The following MAP3K7 variants were observed in gnomAD, a reference collection of about 807,000 sequenced individuals.
MAP3K7 encodes the protein TGF-beta activated kinase 1.
MAP3K7 carries 21 observed loss-of-function variants against 84.8 expected under a neutral mutation model. That is an observed-to-expected ratio of 0.25 (90% CI 0.18 to 0.36). The LOEUF (loss-of-function observed/expected upper bound fraction) is 0.36, where lower values mean the gene tolerates loss of function less well. Ranked by LOEUF, MAP3K7 falls within the 10% of genes least tolerant of loss-of-function variation. MAP3K7 has a pLI of 1.00. For missense variants in MAP3K7, 503 were observed against 747.7 expected (o/e 0.67, Z 3.82); for synonymous variants, 241 against 247.7 (o/e 0.97, Z 0.25).
intron 5 of MAP3K7, among the ~76,000 whole-genome samples, chr6:90,559,467 C>G (rs1776439081): frequency 1.3e-5 from 2 of 151,996 alleles, no homozygotes; most frequent in Admixed American, 6.6e-5. Context: ...GAAAAGGAAA[C>G]AATATGTTTT....
chr6:90,568,459 TAAAA>T, intron 3 of MAP3K7, 95 bp downstream of exon 3: 1 of 920,764 alleles, frequency 1.1e-6, no homozygotes. Context: ...TTGAAAAACT[TAAAA>T]AAAACAAAAA....
At chr6:90,577,984 A>G (rs1260505883) in intron 1 of MAP3K7, among the ~76,000 whole-genome samples, 1 of 152,214 alleles carries the variant, frequency 6.6e-6, no homozygotes, top group East Asian at 1.9e-4. Context: ...CACAGCACCC[A>G]TATGTCATCT....
intron 13 of MAP3K7, among the ~76,000 whole-genome samples, chr6:90,528,327 A>T (rs1240229172): frequency 1.3e-5 from 2 of 152,206 alleles, no homozygotes; most frequent in Admixed American, 1.3e-4. Flanking sequence ...ATATATACAA[A>T]CACTCAAATT....
chr6:90,528,378 C>T (rs996704897), intron 13 of MAP3K7, among the ~76,000 whole-genome samples: 1 of 152,066 alleles, frequency 6.6e-6, no homozygotes, highest in Non-Finnish European at 1.5e-5. Context: ...TACAAAAGTA[C>T]CTTTGAGTAG....
intron 5 of MAP3K7, among the ~76,000 whole-genome samples, chr6:90,559,009 TA>T (rs1776422801): frequency 6.6e-6 from 1 of 152,208 alleles, no homozygotes; most frequent in Non-Finnish European, 1.5e-5. Flanking sequence ...ACTCTGTTAA[TA>T]TAGTGGAAAA....
In MAP3K7 at chr6:90,516,472, A is replaced by G. The variant is rs1343119935; in HGVS notation, c.*29T>C. Reference sequence around the variant, plus strand: ...CCTTAAAAAAAAAGTCTTTCTTTGCATATTTCAAAATGTAACGGTCCCAGA... The same window carrying G: ...CCTTAAAAAAAAAGTCTTTCTTTGCGTATTTCAAAATGTAACGGTCCCAGA... On this transcript the variant is annotated 3_prime_UTR_variant, in exon 17 of 17. Transcript: ENST00000369329. 1.3e-5 allele frequency: 20 copies of G among 1,593,956 alleles called. No homozygotes were observed. The East Asian group carries it at 2.0e-4, about 16-fold the overall frequency.
chr6:90,579,378 T>A (rs1318365001), intron 1 of MAP3K7, among the ~76,000 whole-genome samples: 1 of 152,180 alleles, frequency 6.6e-6, no homozygotes, highest in African/African-American at 2.4e-5. Context: ...TATTTTAGCC[T>A]CCTTCACTGA....
chr6:90,555,602 A>G (rs1399666695), intron 6 of MAP3K7, among the ~76,000 whole-genome samples: 1 of 152,124 alleles, frequency 6.6e-6, no homozygotes, highest in Non-Finnish European at 1.5e-5. Context: ...AGGGCTCTCA[A>G]TTTTTAATTG....
At chr6:90,569,094 T>A (rs1326246353) in intron 2 of MAP3K7, among the ~76,000 whole-genome samples, 1 of 152,176 alleles carries the variant, frequency 6.6e-6, no homozygotes. Flanking sequence ...ACTTTATAGA[T>A]ATTGTATAAT....
In MAP3K7 at chr6:90,586,920, C is replaced by G; in HGVS notation, c.-37G>C. On this transcript the variant is annotated 5_prime_UTR_variant, in exon 1 of 17. Transcript: ENST00000369329. ...GCGCCCGGTGGGGCCGGGAACGGTG[C>G]CACCCGGACAATCCGGGTGAGACCC... The G allele has an allele frequency of 6.3e-7, 1 of 1,575,974 alleles. No homozygotes were observed. The highest frequency in any genetic ancestry group is 1.1e-5 in the South Asian group (1 of 88,224).
At chr6:90,573,873 C>A (rs1449922529) in intron 1 of MAP3K7, among the ~76,000 whole-genome samples, 1 of 152,244 alleles carries the variant, frequency 6.6e-6, no homozygotes, top group Non-Finnish European at 1.5e-5. Flanking sequence ...CCATTTCACT[C>A]GTCCTAGCCC....
intron 13 of MAP3K7, among the ~76,000 whole-genome samples, chr6:90,531,471 G>C (rs1313025008): frequency 1.3e-5 from 2 of 152,102 alleles, no homozygotes; most frequent in Non-Finnish European, 2.9e-5. Context: ...TGGTAATGTG[G>C]ATTTACATGG....
intron 13 of MAP3K7, among the ~76,000 whole-genome samples, chr6:90,529,947 C>T (rs918513161): frequency 1.3e-5 from 2 of 152,126 alleles, no homozygotes; most frequent in Admixed American, 6.5e-5. Context: ...GGTGCTTAAG[C>T]TTATTTACCT....
chr6:90,540,309 A>G (rs1775814790), intron 12 of MAP3K7, among the ~76,000 whole-genome samples: 1 of 151,886 alleles, frequency 6.6e-6, no homozygotes, highest in African/African-American at 2.4e-5. Flanking sequence ...AACACTGTTC[A>G]AGGTTCTCAA....
intron 1 of MAP3K7, among the ~76,000 whole-genome samples, chr6:90,580,518 A>AAATTTT (rs1777234987): frequency 2.0e-5 from 3 of 152,210 alleles, no homozygotes; most frequent in African/African-American, 7.2e-5. Context: ...ACAGGGTCTC[A>AAATTTT]CTATGTTGCC....
intron 5 of MAP3K7, among the ~76,000 whole-genome samples, chr6:90,557,624 G>A (rs944725468): frequency 2.0e-5 from 3 of 152,100 alleles, no homozygotes; most frequent in African/African-American, 7.2e-5. Context: ...TTTTACCCAA[G>A]AAAATTATAA....
intron 3 of MAP3K7, among the ~76,000 whole-genome samples, chr6:90,566,317 T>C (rs1012558925): frequency 5.3e-5 from 8 of 152,154 alleles, no homozygotes; most frequent in Non-Finnish European, 2.9e-5. Flanking sequence ...AAAACCCCAT[T>C]GTCTCAGCCC....
At chr6:90,528,070 G>C (rs1562081051) in intron 13 of MAP3K7, among the ~76,000 whole-genome samples, 1 of 32,306 alleles carries the variant, frequency 3.1e-5, no homozygotes, top group Non-Finnish European at 6.6e-5. Context: ...AGTAGAGACG[G>C]GGTTTCACCG....
rs769893663 is a variant in MAP3K7 at position 90,556,481 on chromosome 6, C to T, written c.607+19G>A. 5 of 1,605,470 alleles carry T rather than the reference C, an allele frequency of 3.1e-6. No individual in the cohort carries two copies. Among genetic ancestry groups the T allele is most frequent in the Non-Finnish European group, 4.2e-6 (5 of 1,176,962 alleles). ...GAGTGAGGGAGATTATCAAACATAC[C>T]ATACTTTTGCCATTTTACCTTCAAA... On this transcript the variant is annotated intron_variant, in intron 6 of 16. Transcript: ENST00000369329.
Sources: allele counts gnomAD v4.1 joint callset (sites outside exome capture counted in the v4.1 genomes callset), GRCh38; gene constraint gnomAD v4.1.1; transcripts MANE v1.5; gene names NCBI Gene and HGNC (gene_info 2026-07-23, HGNC 2026-07-21).